Variants in ASTN2 observed in about 807,000 individuals in gnomAD.
The protein encoded by ASTN2 is astrotactin 2.
In ASTN2, 54 loss-of-function variants were observed where a neutral mutation model predicts 139.8. The ratio of observed to expected loss-of-function variants is 0.39; its 90% CI spans 0.31 to 0.48. The LOEUF is 0.48. Among genes scored for constraint, ASTN2 ranks in the 20% least tolerant of loss-of-function variants. ASTN2 has a pLI of 0.95. For missense variants in ASTN2, 1,565 were observed against 1,725.1 expected, an observed-to-expected ratio of 0.91 and a Z score of 1.64; for synonymous variants, 756 against 719.5, an observed-to-expected ratio of 1.05 and a Z score of -0.81.
intron 19 of ASTN2, among the ~76,000 whole-genome samples, chr9:116,541,646 T>C (rs186347426): frequency 3.7e-4 from 56 of 152,220 alleles, no homozygotes; most frequent in Middle Eastern, 3.4e-3. Flanking sequence ...ACTCTAACCA[T>C]GGGCAGATGG....
intron 13 of ASTN2, among the ~76,000 whole-genome samples, chr9:116,782,789 T>C (rs1410519730): frequency 6.7e-6 from 1 of 149,986 alleles, no homozygotes; most frequent in Non-Finnish European, 1.5e-5. Flanking sequence ...TTTCTTCACC[T>C]AACAATCTCT....
chr9:116,838,108 TTTG>T (rs1412095449), intron 11 of ASTN2, among the ~76,000 whole-genome samples: 11 of 136,908 alleles, frequency 8.0e-5, no homozygotes, highest in African/African-American at 2.5e-4. Context: ...TGTGTTTTTT[TTTG>T]TTTTGTTTTG....
intron 19 of ASTN2, among the ~76,000 whole-genome samples, chr9:116,488,713 A>G (rs572154688): frequency 1.3e-5 from 2 of 152,238 alleles, no homozygotes; most frequent in African/African-American, 2.4e-5. Flanking sequence ...ATGCACATGC[A>G]TTTAAAAACA....
At chr9:116,834,031 G>C (rs1307379156) in intron 11 of ASTN2, among the ~76,000 whole-genome samples, 2 of 152,194 alleles carry the variant, frequency 1.3e-5, no homozygotes, top group African/African-American at 4.8e-5. Flanking sequence ...AGAACTGTTA[G>C]AAATAAGTCT....
chr9:116,746,237 T>A (rs1044656681), intron 13 of ASTN2, among the ~76,000 whole-genome samples: 1 of 151,788 alleles, frequency 6.6e-6, no homozygotes, highest in Admixed American at 6.6e-5. Flanking sequence ...CAGGCATGCA[T>A]CACCATGCCC....
rs1207048444 is a variant in ASTN2, at chr9:117,301,851, G to A, written c.443-10338C>T. Reference sequence around the variant, plus strand: ...GCTCCTTCCTATATTTCACTGGGTTGACCTTTAACAAATTAAGTTCACCTC... The same window carrying A: ...GCTCCTTCCTATATTTCACTGGGTTAACCTTTAACAAATTAAGTTCACCTC... On this transcript the variant is annotated intron_variant, in intron 1 of 22. Coordinates refer to ENST00000313400, the MANE Select transcript of ASTN2 (RefSeq NM_001365068.1). 2.6e-5 allele frequency among the ~76,000 whole-genome samples: 4 copies of A among 152,284 alleles called. No individual in the cohort carries two copies. In the South Asian group the frequency reaches 8.3e-4, roughly 32 times the overall value.
chr9:116,677,684 A>T (rs1859593297), intron 16 of ASTN2, among the ~76,000 whole-genome samples: 1 of 152,202 alleles, frequency 6.6e-6, no homozygotes, highest in Non-Finnish European at 1.5e-5. Context: ...CTTGCAATGA[A>T]ATACAGGGTA....
At chr9:117,171,903 T>C (rs564630998) in intron 3 of ASTN2, among the ~76,000 whole-genome samples, 15 of 152,228 alleles carry the variant, frequency 9.9e-5, no homozygotes, top group African/African-American at 3.6e-4. Flanking sequence ...AGAATGACTA[T>C]ATACATTTTA....
chr9:116,639,149 G>T (rs1857212929), intron 17 of ASTN2, among the ~76,000 whole-genome samples: 1 of 152,110 alleles, frequency 6.6e-6, no homozygotes, highest in Non-Finnish European at 1.5e-5. Flanking sequence ...TTTTGGAGTG[G>T]GTAGCAGATC....
At chr9:116,463,971 C>A (rs1472763219) in intron 20 of ASTN2, among the ~76,000 whole-genome samples, 1 of 140,754 alleles carries the variant, frequency 7.1e-6, no homozygotes, top group African/African-American at 2.6e-5. Flanking sequence ...TGGCCTTGAA[C>A]TCCTAGTCTC....
intron 10 of ASTN2, among the ~76,000 whole-genome samples, chr9:116,892,995 C>T (rs920451650): frequency 2.0e-5 from 3 of 152,006 alleles, no homozygotes; most frequent in Admixed American, 1.3e-4. Flanking sequence ...GCACTTACAC[C>T]CCTTCTCCAT....
At chr9:116,428,540 A>G (rs1419779308) in intron 22 of ASTN2, among the ~76,000 whole-genome samples, 3 of 151,700 alleles carry the variant, frequency 2.0e-5, no homozygotes, top group Non-Finnish European at 4.4e-5. Flanking sequence ...AAAAAAAAGT[A>G]AAGGTAAAAG....
intron 13 of ASTN2, among the ~76,000 whole-genome samples, chr9:116,792,420 G>A (rs574614541): frequency 3.3e-5 from 5 of 152,142 alleles, no homozygotes; most frequent in Non-Finnish European, 7.3e-5. Context: ...GCTTTCTGCT[G>A]CATCCAATTA....
rs11427891 is a variant in ASTN2 at position 117,127,672 on chromosome 9, G to GTTTTTT, written c.1168+13648_1168+13653dup. On this transcript the variant is annotated intron_variant, in intron 4 of 22. Transcript: ENST00000313400. ...AAGTTAGGGTTTTTTTTTTGTTTTG[G>GTTTTTT]TTTTTTTTTTTTTTTTTTTTTTTTT... Among the ~76,000 whole-genome samples the GTTTTTT allele has an allele frequency of 1.3e-3, 91 of 70,900 alleles. 10 individuals carry two copies. The highest frequency in any genetic ancestry group is 1.7e-3 in the Non-Finnish European group (69 of 39,968). 46.5% of individuals were successfully genotyped at this position (70,900 alleles called of 152,430 possible).
intron 3 of ASTN2, among the ~76,000 whole-genome samples, chr9:117,158,786 A>G (rs1830484318): frequency 6.6e-6 from 1 of 152,006 alleles, no homozygotes. Context: ...AAATATTTAC[A>G]CTGTCCTATT....
At chr9:117,408,249 G>C (rs1386038869) in intron 1 of ASTN2, among the ~76,000 whole-genome samples, 2 of 151,962 alleles carry the variant, frequency 1.3e-5, no homozygotes, top group South Asian at 2.1e-4. Context: ...CCTTCTGTGA[G>C]AGGCCCAGCA....
At chr9:117,314,697 A>G (rs1442454219) in intron 1 of ASTN2, among the ~76,000 whole-genome samples, 3 of 145,892 alleles carry the variant, frequency 2.1e-5, no homozygotes, top group Non-Finnish European at 4.5e-5. Flanking sequence ...TTTATGGTAT[A>G]TTTATTATAT....
chr9:116,857,570 T>G (rs371300689), intron 11 of ASTN2, among the ~76,000 whole-genome samples: 2 of 152,172 alleles, frequency 1.3e-5, no homozygotes, highest in African/African-American at 4.8e-5. Flanking sequence ...ATGGGGCCAT[T>G]AGGTGTTGGA....
At chr9:117,413,714 C>G (rs1190369174) in intron 1 of ASTN2, among the ~76,000 whole-genome samples, 2 of 152,180 alleles carry the variant, frequency 1.3e-5, no homozygotes, top group Non-Finnish European at 2.9e-5. Flanking sequence ...CATCTCCTCT[C>G]CTCTCCTTTT....
Sources: gnomAD v4.1 joint callset for allele counts (sites outside exome capture counted in the v4.1 genomes callset) on GRCh38, gnomAD v4.1.1 for gene constraint, MANE v1.5 for transcripts, NCBI Gene and HGNC (gene_info 2026-07-23, HGNC 2026-07-21) for gene names.